The following STAU1 variants were observed in gnomAD, a reference collection of about 807,000 sequenced individuals.
STAU1 encodes the protein staufen double-stranded RNA binding protein 1, also known as double-stranded RNA-binding protein Staufen homolog 1.
Under a neutral mutation model 62.9 loss-of-function variants are expected in STAU1, and 13 were observed. That is an observed-to-expected ratio of 0.21 (90% confidence interval 0.13 to 0.33). STAU1 has a LOEUF of 0.33. Among genes scored for constraint, STAU1 ranks in the 10% least tolerant of loss-of-function variants. The probability of loss-of-function intolerance (pLI) is 1.00; values close to 1 mark genes in which losing one functional copy is unlikely to be tolerated. For missense variants in STAU1, 571 were observed against 712.1 expected (o/e 0.80, Z 2.25); for synonymous variants, 269 against 265.1 (o/e 1.01, Z -0.14).
chr20:49,129,986 T>C (rs2092717295), intron 6 of STAU1, among the ~76,000 whole-genome samples: 1 of 152,136 alleles, frequency 6.6e-6, no homozygotes, highest in Non-Finnish European at 1.5e-5. Context: ...CAAGTATTTA[T>C]TCAAGAAAAA....
At chr20:49,182,826 C>T (rs1466984321) in intron 1 of STAU1, among the ~76,000 whole-genome samples, 1 of 141,496 alleles carries the variant, frequency 7.1e-6, no homozygotes, top group Non-Finnish European at 1.5e-5. Context: ...GTAACAGAGC[C>T]AGACTCCGTC....
rs199875251 is a variant in STAU1 at position 49,120,024 on chromosome 20, C to A, written c.1071G>T (p.Pro357=). The change falls in exon 9 of 14, where the codon CCG becomes CCT. Residue 357 remains proline, a synonymous_variant. Coordinates refer to ENST00000371856, the MANE Select transcript of STAU1 (RefSeq NM_017453.4). The part of the protein sequence containing the change: ...NMLEILGFKV[P]QAQPTKPALK... ...GTGCGGGTTTGGTGGGCTGCGCCTGCGGGACTTTGAAACCAAGGATCTCCA... is the reference window on the plus strand; with the variant it reads ...GTGCGGGTTTGGTGGGCTGCGCCTGAGGGACTTTGAAACCAAGGATCTCCA... 7.6e-5 allele frequency: 122 copies of A among 1,614,036 alleles called. No homozygotes were observed. Among genetic ancestry groups the A allele is most frequent in the Non-Finnish European group, 1.0e-4 (118 of 1,180,038 alleles).
At chr20:49,181,519 C>T (rs1399276076) in intron 1 of STAU1, among the ~76,000 whole-genome samples, 1 of 152,118 alleles carries the variant, frequency 6.6e-6, no homozygotes, top group Non-Finnish European at 1.5e-5. Flanking sequence ...AATCCTATCA[C>T]TTTGCGAGGC....
chr20:49,124,436 G>A lies in STAU1; in HGVS notation c.761C>T (p.Pro254Leu), dbSNP rs772283146. ...AVLEELKKLP[P>L]LPAVERVKPR... Reference sequence around the variant, plus strand: ...CTTTACTCGTTCAACTGCAGGCAGGGGCGGTAACTTCTTCAGCTCCTCAAG... The same window carrying A: ...CTTTACTCGTTCAACTGCAGGCAGGAGCGGTAACTTCTTCAGCTCCTCAAG... The change falls in exon 7 of 14, where the codon CCC becomes CTC. Residue 254 changes from proline to leucine, a missense_variant. Physicochemically the swap from Pro to Leu is moderately conservative, Grantham distance 98. Transcript: ENST00000371856. 1 of 1,614,010 alleles carries A rather than the reference G, an allele frequency of 6.2e-7. No individual in the cohort carries two copies.
At chr20:49,166,569 T>G (rs1199364990) in intron 2 of STAU1, among the ~76,000 whole-genome samples, 1 of 152,192 alleles carries the variant, frequency 6.6e-6, no homozygotes, top group Non-Finnish European at 1.5e-5. Context: ...TGGTGAGTAT[T>G]AAGAATTGCA....
the STAU1 span, among the ~76,000 whole-genome samples, chr20:49,206,958 G>T: frequency 2.6e-5 from 4 of 151,408 alleles, no homozygotes; most frequent in Admixed American, 6.6e-5. Context: ...GTTTCACCAT[G>T]TTGGCCAGGA....
In STAU1 at chr20:49,114,832, C is replaced by T; in HGVS notation, c.*46G>A. On this transcript the variant is annotated 3_prime_UTR_variant, in exon 14 of 14. Transcript: ENST00000371856. Reference sequence around the variant, plus strand: ...ATTTTCAAAGCAGTTTCAGTATTTTCAGTATATATGTTGGGATTTTATAAT... The same window carrying T: ...ATTTTCAAAGCAGTTTCAGTATTTTTAGTATATATGTTGGGATTTTATAAT... 6.2e-7 allele frequency: 1 copy of T among 1,600,130 alleles called. No homozygotes were observed. The highest frequency in any genetic ancestry group is 1.7e-5 in the Admixed American group (1 of 59,492).
the STAU1 span, among the ~76,000 whole-genome samples, chr20:49,215,000 A>T: frequency 6.6e-6 from 1 of 152,196 alleles, no homozygotes; most frequent in South Asian, 2.1e-4. Context: ...CCTCACATAA[A>T]TGAAGGCTGA....
At chr20:49,165,447 T>C (rs1012917385) in intron 3 of STAU1, among the ~76,000 whole-genome samples, 14 of 152,186 alleles carry the variant, frequency 9.2e-5, no homozygotes, top group African/African-American at 3.4e-4. Context: ...CAGGCAATTA[T>C]CCTGCCTCAG....
chr20:49,178,704 T>C (rs1354448759), intron 1 of STAU1, among the ~76,000 whole-genome samples: 1 of 151,004 alleles, frequency 6.6e-6, no homozygotes, highest in Non-Finnish European at 1.5e-5. Flanking sequence ...TGAACTGAGA[T>C]TGGGTCACTG....
chr20:49,133,210 A>G (rs1317426098), intron 6 of STAU1, among the ~76,000 whole-genome samples: 1 of 152,228 alleles, frequency 6.6e-6, no homozygotes, highest in East Asian at 1.9e-4. Context: ...AAGCAATCTG[A>G]CCCCAAATCC....
chr20:49,207,169 C>T, the STAU1 span, among the ~76,000 whole-genome samples: 17 of 151,840 alleles, frequency 1.1e-4, no homozygotes, highest in Admixed American at 2.6e-4. Context: ...GAGGCTGCAG[C>T]GAGCTATGAT....
intron 5 of STAU1, among the ~76,000 whole-genome samples, chr20:49,136,740 C>T (rs536934173): frequency 6.6e-6 from 1 of 152,200 alleles, no homozygotes; most frequent in East Asian, 1.9e-4. Context: ...CTCTGTTGCC[C>T]AGGATGGAGT....
At chr20:49,152,979 G>A (rs558060346) in intron 4 of STAU1, among the ~76,000 whole-genome samples, 1 of 152,244 alleles carries the variant, frequency 6.6e-6, no homozygotes, top group South Asian at 2.1e-4. Flanking sequence ...AGCCGGGCGT[G>A]GTGGCTCATG....
intron 3 of STAU1, among the ~76,000 whole-genome samples, chr20:49,160,866 G>GC (rs1398001382): frequency 6.6e-6 from 1 of 152,106 alleles, no homozygotes; most frequent in Non-Finnish European, 1.5e-5. Context: ...TCTTCTCCCT[G>GC]CCCTAAGGTC....
intron 6 of STAU1, 44 bp downstream of exon 6, chr20:49,135,789 A>C: frequency 6.9e-7 from 1 of 1,448,898 alleles, no homozygotes; most frequent in Non-Finnish European, 9.6e-7. Context: ...ATGAATGCTA[A>C]CAGGATTTTA....
At chr20:49,163,847 C>T (rs2093486470) in intron 3 of STAU1, among the ~76,000 whole-genome samples, 1 of 152,156 alleles carries the variant, frequency 6.6e-6, no homozygotes, top group South Asian at 2.1e-4. Context: ...TCATTGCAGC[C>T]TCAAACTTCT....
At chr20:49,153,035 G>A (rs1423451847) in intron 4 of STAU1, among the ~76,000 whole-genome samples, 1 of 151,600 alleles carries the variant, frequency 6.6e-6, no homozygotes, top group Non-Finnish European at 1.5e-5. Context: ...CGGATCATGA[G>A]GTCAGGAGAT....
chr20:49,127,117 G>A (rs2092644668), intron 6 of STAU1, among the ~76,000 whole-genome samples: 1 of 152,116 alleles, frequency 6.6e-6, no homozygotes, highest in Non-Finnish European at 1.5e-5. Context: ...CACTTTGGGA[G>A]GCCGAGGTGG....
Sources: allele counts gnomAD v4.1 joint callset (sites outside exome capture counted in the v4.1 genomes callset), GRCh38; gene constraint gnomAD v4.1.1; transcripts MANE v1.5; gene names NCBI Gene and HGNC (gene_info 2026-07-23, HGNC 2026-07-21).